Variants in RBFOX1 observed in about 807,000 individuals in gnomAD.
RBFOX1 encodes RNA binding fox-1 homolog 1.
Under a neutral mutation model 57.7 loss-of-function variants are expected in RBFOX1, and 8 were observed. That is an observed-to-expected ratio of 0.14 (90% CI 0.08 to 0.25). The LOEUF (loss-of-function observed/expected upper bound fraction) is 0.25. RBFOX1 is among the 10% of genes least tolerant of loss of function. The pLI is 1.00. For missense variants in RBFOX1, 611 were observed against 548.5 expected, an observed-to-expected ratio of 1.11 and a Z score of -1.14; for synonymous variants, 326 against 222.4, an observed-to-expected ratio of 1.47 and a Z score of -4.15.
intron 4 of RBFOX1, among the ~76,000 whole-genome samples, chr16:7,097,754 A>G (rs569586736): frequency 1.6e-4 from 24 of 152,336 alleles, no homozygotes; most frequent in African/African-American, 5.1e-4. Flanking sequence ...GAGCTAGTGC[A>G]TATTTATCCA....
rs533947014 is a variant in RBFOX1, at chr16:6,119,741, A to C, written c.-127+99749A>C. Among the ~76,000 whole-genome samples the C allele has an allele frequency of 2.6e-5, 4 of 152,294 alleles. No homozygotes were observed. The East Asian group carries it at 7.7e-4, about 29-fold the overall frequency. On this transcript the variant is annotated intron_variant, in intron 1 of 15. Coordinates refer to ENST00000550418, the MANE Select transcript of RBFOX1 (RefSeq NM_018723.4). ...TGGTTTCAGACTCGTGACCCTAAGC[A>C]ATCCTCCCTCAGCCTCCTGAAACAC... is the stretch of plus-strand genomic sequence containing the variant.
At chr16:5,982,936 T>C (rs79474283) in intron 4 of RBFOX1, among the ~76,000 whole-genome samples, 7,521 of 152,312 alleles carry the variant, frequency 0.049, 226 homozygotes, top group Non-Finnish European at 0.076. Context: ...AGTACATGAA[T>C]ACCTGAATTA....
intron 1 of RBFOX1, among the ~76,000 whole-genome samples, chr16:6,161,214 C>T (rs891069315): frequency 3.9e-5 from 6 of 151,992 alleles, no homozygotes; most frequent in Non-Finnish European, 7.4e-5. Flanking sequence ...CATGGTGAAA[C>T]CGTGTCTGTA....
chr16:7,016,886 C>G (rs1458627316), intron 3 of RBFOX1, among the ~76,000 whole-genome samples: 2 of 152,148 alleles, frequency 1.3e-5, no homozygotes, highest in African/African-American at 4.8e-5. Context: ...CTGGCTGTCA[C>G]TTGACCCTGT....
At chr16:6,279,235 G>T (rs2076137309) in intron 1 of RBFOX1, among the ~76,000 whole-genome samples, 2 of 152,146 alleles carry the variant, frequency 1.3e-5, no homozygotes, top group Admixed American at 1.3e-4. Flanking sequence ...GTTAGGATTA[G>T]TCTGGTTATC....
chr16:7,178,456 T>C (rs983570410), intron 4 of RBFOX1, among the ~76,000 whole-genome samples: 1 of 152,140 alleles, frequency 6.6e-6, no homozygotes, highest in Non-Finnish European at 1.5e-5. Context: ...AAACACTAAA[T>C]TTTTTTTATT....
chr16:6,812,831 T>C (rs570513085), intron 3 of RBFOX1, among the ~76,000 whole-genome samples: 1 of 152,312 alleles, frequency 6.6e-6, no homozygotes, highest in African/African-American at 2.4e-5. Flanking sequence ...CATACAGCAG[T>C]ACCATAGAAG....
At chr16:6,192,797 A>C (rs1422334150) in intron 1 of RBFOX1, among the ~76,000 whole-genome samples, 2 of 152,198 alleles carry the variant, frequency 1.3e-5, no homozygotes, top group African/African-American at 4.8e-5. Flanking sequence ...ACAGGTTGTC[A>C]TGCACTAAAA....
At chr16:7,399,598 G>C (rs922057091) in intron 4 of RBFOX1, among the ~76,000 whole-genome samples, 1 of 152,106 alleles carries the variant, frequency 6.6e-6, no homozygotes, top group Non-Finnish European at 1.5e-5. Context: ...TGACATTTCT[G>C]GGCTTGTAGA....
chr16:6,979,221 C>T (rs539919950), intron 3 of RBFOX1, among the ~76,000 whole-genome samples: 1 of 152,046 alleles, frequency 6.6e-6, no homozygotes, highest in African/African-American at 2.4e-5. Context: ...AGTTTTCCCA[C>T]CTGTAAGAGG....
intron 4 of RBFOX1, among the ~76,000 whole-genome samples, chr16:5,875,165 C>T (rs1015251684): frequency 4.6e-5 from 7 of 152,304 alleles, no homozygotes; most frequent in Admixed American, 3.9e-4. Flanking sequence ...TCATTTACCA[C>T]ATGTGAACGG....
At chr16:7,309,521 G>A (rs187856742) in intron 4 of RBFOX1, among the ~76,000 whole-genome samples, 92 of 152,292 alleles carry the variant, frequency 6.0e-4, no homozygotes, top group African/African-American at 2.1e-3. Flanking sequence ...CCTTTGCCCG[G>A]CTGGAGAAAG....
intron 4 of RBFOX1, among the ~76,000 whole-genome samples, chr16:7,392,399 G>A (rs1347554158): frequency 3.9e-5 from 6 of 152,154 alleles, no homozygotes; most frequent in Non-Finnish European, 8.8e-5. Context: ...TTGAGGAAAT[G>A]CCTTGGTCAT....
At position 6,466,541 on chromosome 16, in the gene RBFOX1, A is replaced by G. The variant is rs191783823; in HGVS notation, c.-64+149484A>G. ...TCAACCTTAGATATGTATGAATTCA[A>G]TCTGATGCTTGCTGGGTTAAGACCA... On this transcript the variant is annotated intron_variant, in intron 2 of 15. Coordinates refer to ENST00000550418, the MANE Select transcript of RBFOX1 (RefSeq NM_018723.4). 1.2e-3 allele frequency among the ~76,000 whole-genome samples: 185 copies of G among 152,308 alleles called. 2 individuals are homozygous for G. Among genetic ancestry groups the G allele is most frequent in the Admixed American group, 1.0e-3 (16 of 15,300 alleles).
At chr16:6,394,816 C>T (rs1486684765) in intron 2 of RBFOX1, among the ~76,000 whole-genome samples, 2 of 152,218 alleles carry the variant, frequency 1.3e-5, no homozygotes, top group Middle Eastern at 6.8e-3. Flanking sequence ...ACCCCTAAGT[C>T]CTTGGTGAAA....
In RBFOX1 at chr16:6,304,785, T is replaced by C. The variant is rs555245714; in HGVS notation, c.-126-12210T>C. 1.3e-3 allele frequency among the ~76,000 whole-genome samples: 183 copies of C among 144,912 alleles called. 1 individual carries two copies. Among genetic ancestry groups the C allele is most frequent in the African/African-American group, 4.7e-3 (178 of 38,172 alleles). ...CTGTGGTGCCAGCTACTCAGGAGGC[T>C]GAGGCCGGAGAAGGGAGGTGGAAAT... On this transcript the variant is annotated intron_variant, in intron 1 of 15. Transcript: ENST00000550418.
intron 3 of RBFOX1, among the ~76,000 whole-genome samples, chr16:6,884,817 G>C (rs1009617419): frequency 6.6e-6 from 1 of 152,150 alleles, no homozygotes; most frequent in Non-Finnish European, 1.5e-5. Context: ...AGAATCTCTT[G>C]AACTCAGGAG....
intron 5 of RBFOX1, among the ~76,000 whole-genome samples, chr16:7,560,714 C>G (rs190144521): frequency 6.6e-6 from 1 of 152,056 alleles, no homozygotes; most frequent in East Asian, 1.9e-4. Context: ...GTCTACCACC[C>G]AAGTCTCACC....
chr16:6,335,799 AAAG>A (rs894991655), intron 2 of RBFOX1, among the ~76,000 whole-genome samples: 1 of 149,546 alleles, frequency 6.7e-6, no homozygotes, highest in Non-Finnish European at 1.5e-5. Context: ...AAGAAAAAAA[AAAG>A]AAAAGAAAAG....
Sources: allele counts gnomAD v4.1 joint callset (sites outside exome capture counted in the v4.1 genomes callset), GRCh38; gene constraint gnomAD v4.1.1; transcripts MANE v1.5; gene names NCBI Gene and HGNC (gene_info 2026-07-23, HGNC 2026-07-21).